Variants in PAQR5 observed in about 807,000 individuals in gnomAD.
PAQR5 encodes the protein progestin and adipoQ receptor family member 5, also known as membrane progestin receptor gamma.
In PAQR5, 20 loss-of-function variants were observed where a neutral mutation model predicts 34.5. That is an observed-to-expected ratio of 0.58 (90% CI 0.41 to 0.84). The LOEUF (loss-of-function observed/expected upper bound fraction) is 0.84. Among genes scored for constraint, PAQR5 ranks in the 40% least tolerant of loss-of-function variants. The pLI is 0.00. For synonymous variants in PAQR5, 131 were observed against 155.6 expected, an observed-to-expected ratio of 0.84 and a Z score of 1.18; for missense variants, 378 against 412.7, an observed-to-expected ratio of 0.92 and a Z score of 0.73.
At chr15:69,380,214 G>C (rs573884808) in intron 4 of PAQR5, 5 of 550,094 alleles carry the variant, frequency 9.1e-6, no homozygotes, top group Admixed American at 3.5e-5. Context: ...GGCATGGACT[G>C]GGGTAAGATT....
At chr15:69,321,262 T>C (rs944972205) in intron 1 of PAQR5, among the ~76,000 whole-genome samples, 5 of 152,256 alleles carry the variant, frequency 3.3e-5, no homozygotes, top group African/African-American at 1.2e-4. Context: ...GGGTTTTTTC[T>C]GACATTGTTA....
intron 4 of PAQR5, chr15:69,380,230 G>A: frequency 2.0e-6 from 1 of 500,374 alleles, no homozygotes; most frequent in African/African-American, 1.9e-5. Flanking sequence ...AGATTTGAGG[G>A]GAAATCCCAA....
At chr15:69,339,969 C>T (rs181358508) in intron 2 of PAQR5, among the ~76,000 whole-genome samples, 78 of 152,280 alleles carry the variant, frequency 5.1e-4, no homozygotes, top group African/African-American at 1.8e-3. Flanking sequence ...CGGGTTCAAG[C>T]GATTCTTCTA....
At chr15:69,399,503 G>A (rs1004133457) in intron 7 of PAQR5, among the ~76,000 whole-genome samples, 1 of 152,210 alleles carries the variant, frequency 6.6e-6, no homozygotes, top group East Asian at 1.9e-4. Flanking sequence ...TAAGTTTGGG[G>A]GAGTCAAAAG....
chr15:69,307,239 A>G (rs1170665834), intron 1 of PAQR5, among the ~76,000 whole-genome samples: 1 of 151,738 alleles, frequency 6.6e-6, no homozygotes, highest in Non-Finnish European at 1.5e-5. Flanking sequence ...CAGTTGCTTC[A>G]CCTTTTGTCT....
Position 69,379,873 on chromosome 15 carries a change from G to A in PAQR5, c.52-10G>A, listed in dbSNP as rs2055831205. 6.2e-7 allele frequency: 1 copy of A among 1,612,526 alleles called. No homozygotes were observed. ...TCTCACCTCAGTGTCCTTTTCCTTT[G>A]CCTCTGCAGGTGTTCCATGAGCAAG... On this transcript the variant is annotated splice_polypyrimidine_tract_variant and intron_variant, in intron 3 of 8. Coordinates refer to ENST00000395407, the MANE Select transcript of PAQR5 (RefSeq NM_017705.4).
rs140681917 is a variant in PAQR5, at chr15:69,394,843, A to G, written c.513-2625A>G. 1.1e-4 allele frequency among the ~76,000 whole-genome samples: 16 copies of G among 152,312 alleles called. No individual in the cohort carries two copies. In the East Asian group the frequency reaches 2.9e-3, roughly 28 times the overall value. ...TAGCGGACGGCCCCTCTCCCGAGCT[A>G]CTGGCCCTTCTGCCTTTTTCTCTCT... On this transcript the variant is annotated intron_variant, in intron 6 of 8. Transcript: ENST00000395407.
intron 3 of PAQR5, among the ~76,000 whole-genome samples, chr15:69,364,375 G>A (rs1181725626): frequency 3.3e-5 from 5 of 150,226 alleles, no homozygotes; most frequent in Admixed American, 1.3e-4. Flanking sequence ...TTGGGATGCC[G>A]AGGTGGGTGA....
At chr15:69,391,630 G>A (rs781485808) in intron 6 of PAQR5, 3 of 456,018 alleles carry the variant, frequency 6.6e-6, no homozygotes, top group Non-Finnish European at 1.3e-5. Context: ...CCTTGGACCA[G>A]TCACTGCCCC....
chr15:69,361,242 T>C (rs2055223693), intron 3 of PAQR5, among the ~76,000 whole-genome samples: 1 of 152,232 alleles, frequency 6.6e-6, no homozygotes, highest in Non-Finnish European at 1.5e-5. Flanking sequence ...GTGTGATTCT[T>C]GAATTTATTT....
intron 6 of PAQR5, among the ~76,000 whole-genome samples, chr15:69,390,344 A>ATTT (rs201375546): frequency 2.9e-4 from 35 of 119,068 alleles, no homozygotes; most frequent in East Asian, 4.4e-4. Flanking sequence ...TTATTTATTT[A>ATTT]TTTATTTATT....
At chr15:69,391,113 T>C (rs1316532465) in intron 6 of PAQR5, 1 of 152,576 alleles carries the variant, frequency 6.6e-6, no homozygotes, top group Non-Finnish European at 1.5e-5. Context: ...CAATGGCAAC[T>C]CCAGCGAGCC....
intron 2 of PAQR5, among the ~76,000 whole-genome samples, chr15:69,358,632 C>CTTTTT (rs1567019143): frequency 1.5e-4 from 1 of 6,570 alleles, no homozygotes; most frequent in African/African-American, 5.0e-4. Flanking sequence ...AGCTCTGTGG[C>CTTTTT]ATTTTTTTTT....
chr15:69,345,979 C>T (rs548618872), intron 2 of PAQR5, among the ~76,000 whole-genome samples: 40 of 152,308 alleles, frequency 2.6e-4, no homozygotes, highest in African/African-American at 9.1e-4. Context: ...ATATGGAACA[C>T]AAATACACTG....
At chr15:69,324,135 A>AAAG (rs2054193323) in intron 1 of PAQR5, among the ~76,000 whole-genome samples, 1 of 151,228 alleles carries the variant, frequency 6.6e-6, no homozygotes, top group African/African-American at 2.4e-5. Context: ...AGGGCAAAAA[A>AAAG]AAAAAAAAAG....
chr15:69,372,893 G>A (rs1257077328), intron 3 of PAQR5, among the ~76,000 whole-genome samples: 1 of 152,122 alleles, frequency 6.6e-6, no homozygotes, highest in Non-Finnish European at 1.5e-5. Flanking sequence ...CACAAACTCA[G>A]TGGCTCAAAA....
chr15:69,334,399 A>C (rs1401947533), intron 1 of PAQR5, among the ~76,000 whole-genome samples: 1 of 152,220 alleles, frequency 6.6e-6, no homozygotes. Context: ...TTTGGTCTAA[A>C]ATAAGGTCAG....
intron 1 of PAQR5, among the ~76,000 whole-genome samples, chr15:69,333,404 C>T (rs1196038863): frequency 6.6e-6 from 1 of 152,056 alleles, no homozygotes; most frequent in South Asian, 2.1e-4. Flanking sequence ...TGTGTAATAA[C>T]TAGGTAGGAA....
At chr15:69,397,635 G>C in intron 7 of PAQR5, 71 bp downstream of exon 7, 1 of 1,032,158 alleles carries the variant, frequency 9.7e-7, no homozygotes, top group Non-Finnish European at 1.5e-6. Flanking sequence ...CTGAGCTTCT[G>C]GGGGGTCACA....
Sources: gnomAD v4.1 joint callset for allele counts (sites outside exome capture counted in the v4.1 genomes callset) on GRCh38, gnomAD v4.1.1 for gene constraint, MANE v1.5 for transcripts, NCBI Gene and HGNC (gene_info 2026-07-23, HGNC 2026-07-21) for gene names.